The following ARB2A variants were observed in gnomAD, a reference collection of about 807,000 sequenced individuals.
ARB2A encodes cotranscriptional regulator ARB2A.
chr5:93,773,407 G>C, the ARB2A span, among the ~76,000 whole-genome samples: 1 of 152,148 alleles, frequency 6.6e-6, no homozygotes, highest in African/African-American at 2.4e-5. Flanking sequence ...TCTCTGCAAT[G>C]CAGGAAATGC....
the ARB2A span, among the ~76,000 whole-genome samples, chr5:93,941,232 A>G: frequency 1.9e-4 from 29 of 152,080 alleles, no homozygotes; most frequent in Non-Finnish European, 3.4e-4. Flanking sequence ...ACCCTTCACA[A>G]TGTTACACAC....
the ARB2A span, among the ~76,000 whole-genome samples, chr5:93,662,256 G>A: frequency 4.6e-5 from 7 of 152,106 alleles, no homozygotes; most frequent in Non-Finnish European, 5.9e-5. Flanking sequence ...TAGGGGTTGG[G>A]TTAGCTGAGT....
chr5:93,875,728 T>G, the ARB2A span, among the ~76,000 whole-genome samples: 1 of 152,152 alleles, frequency 6.6e-6, no homozygotes, highest in Non-Finnish European at 1.5e-5. Context: ...TAATACATTT[T>G]TATGCTGATT....
At chr5:93,642,970 G>T in the ARB2A span, among the ~76,000 whole-genome samples, 1 of 152,296 alleles carries the variant, frequency 6.6e-6, no homozygotes, top group African/African-American at 2.4e-5. Context: ...CATATCAGGA[G>T]AAGTAACTCA....
chr5:93,991,315 A>G, the ARB2A span, among the ~76,000 whole-genome samples: 13 of 152,142 alleles, frequency 8.5e-5, no homozygotes, highest in Non-Finnish European at 1.3e-4. Context: ...TGCCAAAATA[A>G]AGTTCAACAT....
At chr5:93,740,608 G>A in the ARB2A span, 2 of 1,599,772 alleles carry the variant, frequency 1.3e-6, no homozygotes, top group Admixed American at 1.7e-5. Flanking sequence ...AGTGGTGGCT[G>A]GGGCAGAGGA....
the ARB2A span, among the ~76,000 whole-genome samples, chr5:93,709,647 A>C: frequency 8.1e-4 from 122 of 150,024 alleles, 1 homozygote; most frequent in East Asian, 0.018. Context: ...AAAAAAAAAA[A>C]AAAAAAAAAA....
the ARB2A span, among the ~76,000 whole-genome samples, chr5:93,836,185 G>A: frequency 4.3e-3 from 651 of 152,122 alleles, 5 homozygotes; most frequent in African/African-American, 0.015. Context: ...CCCCCACCAC[G>A]CCCGGCTAAT....
chr5:93,627,850 T>C, the ARB2A span, among the ~76,000 whole-genome samples: 1 of 152,166 alleles, frequency 6.6e-6, no homozygotes, highest in African/African-American at 2.4e-5. Flanking sequence ...TGAATTTTCT[T>C]ATACATCTCC....
At chr5:93,754,810 A>C in the ARB2A span, among the ~76,000 whole-genome samples, 182 of 152,188 alleles carry the variant, frequency 1.2e-3, no homozygotes, top group African/African-American at 4.1e-3. Context: ...CCATATTTCT[A>C]TGTCCTATGA....
chr5:93,766,181 G>A, the ARB2A span, among the ~76,000 whole-genome samples: 5 of 152,142 alleles, frequency 3.3e-5, no homozygotes, highest in African/African-American at 7.2e-5. Flanking sequence ...AGCCAAAATC[G>A]ACAAATGGGA....
At chr5:93,907,957 A>G in the ARB2A span, among the ~76,000 whole-genome samples, 1 of 151,274 alleles carries the variant, frequency 6.6e-6, no homozygotes, top group Non-Finnish European at 1.5e-5. Context: ...GAAGGCAAAA[A>G]TTTGACAATT....
the ARB2A span, chr5:93,734,772 T>TTAGTTATTGAAATGATATGG: frequency 1.3e-5 from 2 of 152,156 alleles, no homozygotes; most frequent in Non-Finnish European, 2.9e-5. Flanking sequence ...CAATGGCATC[T>TTAGTTATTGAAATGATATGG]TAGTTATTGA....
the ARB2A span, among the ~76,000 whole-genome samples, chr5:93,891,450 G>C: frequency 2.0e-5 from 3 of 151,696 alleles, no homozygotes; most frequent in East Asian, 1.9e-4. Flanking sequence ...CATCTTCCAG[G>C]CTCCAAAATT....
At chr5:94,059,618 C>CAAAAAAAAAAA in the ARB2A span, among the ~76,000 whole-genome samples, 1 of 62,782 alleles carries the variant, frequency 1.6e-5, no homozygotes, top group Admixed American at 2.4e-4. Flanking sequence ...GAGACTGTCT[C>CAAAAAAAAAAA]AAAAAAAAAA....
chr5:93,982,658 C>T, the ARB2A span, among the ~76,000 whole-genome samples: 1 of 152,320 alleles, frequency 6.6e-6, no homozygotes, highest in East Asian at 1.9e-4. Context: ...ATCTAGGCTA[C>T]ATGGTATAGC....
At chr5:93,915,141 T>C in the ARB2A span, among the ~76,000 whole-genome samples, 2 of 151,992 alleles carry the variant, frequency 1.3e-5, no homozygotes, top group Non-Finnish European at 2.9e-5. Context: ...GGTGTTCTGC[T>C]ATCATCCATT....
the ARB2A span, among the ~76,000 whole-genome samples, chr5:93,886,017 T>C: frequency 6.6e-6 from 1 of 151,746 alleles, no homozygotes; most frequent in Non-Finnish European, 1.5e-5. Context: ...AGACAAATTA[T>C]ATCAGTACAA....
the ARB2A span, among the ~76,000 whole-genome samples, chr5:94,081,398 G>A: frequency 2.6e-5 from 4 of 152,126 alleles, no homozygotes; most frequent in Admixed American, 6.5e-5. Context: ...ACAAATGTTC[G>A]CAGAAGCATT....
Sources: allele counts gnomAD v4.1 joint callset (sites outside exome capture counted in the v4.1 genomes callset), GRCh38; gene constraint gnomAD v4.1.1; transcripts MANE v1.5; gene names NCBI Gene and HGNC (gene_info 2026-07-23, HGNC 2026-07-21).